The following USH2A variants were observed in gnomAD, a reference collection of about 807,000 sequenced individuals.
USH2A encodes the protein usherin.
A neutral mutation model predicts 538.9 loss-of-function variants in USH2A; 443 were observed. The ratio of observed to expected loss-of-function variants is 0.82; its 90% confidence interval spans 0.76 to 0.89. USH2A has a LOEUF of 0.89. Among genes scored for constraint, USH2A ranks in the 40% least tolerant of loss-of-function variants. The probability of loss-of-function intolerance (pLI) is 0.00; values close to 1 mark genes in which losing one functional copy is unlikely to be tolerated. For missense variants in USH2A, 6,633 were observed against 6,324.8 expected (o/e 1.05, Z -1.65); for synonymous variants, 2,413 against 2,273.5 (o/e 1.06, Z -1.75).
In USH2A at chr1:216,330,843, T is replaced by C. The variant is rs148339946; in HGVS notation, c.785-3189A>G. Among the ~76,000 whole-genome samples, 611 of 151,936 alleles carry C rather than the reference T, an allele frequency of 4.0e-3. 4 individuals are homozygous for C. Among genetic ancestry groups the C allele is most frequent in the African/African-American group, 0.014 (577 of 41,450 alleles). ...ATATTACAGTCATATGTGTGAAAAATGTTGGCAGTCAGACCAGGGTATTAG... is the reference window on the plus strand; with the variant it reads ...ATATTACAGTCATATGTGTGAAAAACGTTGGCAGTCAGACCAGGGTATTAG... On this transcript the variant is annotated intron_variant, in intron 4 of 71. Transcript: ENST00000307340.
At chr1:215,885,203 G>A (rs1045600040) in intron 41 of USH2A, among the ~76,000 whole-genome samples, 15 of 151,068 alleles carry the variant, frequency 9.9e-5, no homozygotes, top group Non-Finnish European at 2.9e-5. Flanking sequence ...TTAATTGTAT[G>A]CCTTTTTTTC....
At chr1:215,762,803 T>C (rs1661018224) in intron 56 of USH2A, among the ~76,000 whole-genome samples, 2 of 152,074 alleles carry the variant, frequency 1.3e-5, no homozygotes, top group South Asian at 4.2e-4. Context: ...AAATGAATAG[T>C]AGGGAGGGAA....
At chr1:216,104,851 C>T (rs2032691373) in intron 21 of USH2A, among the ~76,000 whole-genome samples, 1 of 152,104 alleles carries the variant, frequency 6.6e-6, no homozygotes, top group Admixed American at 6.5e-5. Flanking sequence ...AGCTTCTGCA[C>T]AGCAAAAGAA....
At chr1:215,820,126 T>C (rs1662971258) in intron 47 of USH2A, among the ~76,000 whole-genome samples, 1 of 151,728 alleles carries the variant, frequency 6.6e-6, no homozygotes, top group Admixed American at 6.6e-5. Flanking sequence ...AATGAATTTT[T>C]TTTGGTAGAT....
rs558416680 is a variant in USH2A, at chr1:215,781,353, TTC to T, written c.10740+687_10740+688del. 4.1e-4 allele frequency among the ~76,000 whole-genome samples: 63 copies of T among 152,356 alleles called. No homozygotes were observed. In the South Asian group the frequency reaches 0.012, roughly 30 times the overall value. On this transcript the variant is annotated intron_variant, in intron 54 of 71. Coordinates refer to ENST00000307340, the MANE Select transcript of USH2A (RefSeq NM_206933.4). ...CAAAACTTAACAAAACAGAATCCTA[TTC>T]TTTTACCTTCAACATTTTTCTCTTT...
intron 32 of USH2A, among the ~76,000 whole-genome samples, chr1:216,039,270 T>C (rs904798839): frequency 4.6e-5 from 7 of 152,022 alleles, no homozygotes; most frequent in African/African-American, 1.7e-4. Flanking sequence ...GTCACAGAGT[T>C]AGTAGCTTAG....
intron 55 of USH2A, 59 bp downstream of exon 55, chr1:215,779,784 C>A: frequency 6.3e-7 from 1 of 1,596,454 alleles, no homozygotes; most frequent in Non-Finnish European, 8.5e-7. Context: ...GATGCTTTGC[C>A]CCCCTAACCA....
intron 12 of USH2A, among the ~76,000 whole-genome samples, chr1:216,247,938 T>C (rs2036085210): frequency 6.6e-6 from 1 of 151,998 alleles, no homozygotes; most frequent in Admixed American, 6.6e-5. Context: ...AAGAAAAAAA[T>C]GTCAGCTGAT....
At chr1:215,920,765 G>C (rs971752364) in intron 38 of USH2A, among the ~76,000 whole-genome samples, 1 of 152,028 alleles carries the variant, frequency 6.6e-6, no homozygotes, top group African/African-American at 2.4e-5. Flanking sequence ...ACGCTTACTT[G>C]ATTTATAGCA....
intron 35 of USH2A, among the ~76,000 whole-genome samples, chr1:215,988,106 C>G (rs1030143075): frequency 2.0e-5 from 3 of 151,976 alleles, no homozygotes; most frequent in African/African-American, 7.2e-5. Flanking sequence ...TCTACATACA[C>G]GTGGTTGTGC....
At position 215,649,674 on chromosome 1, in the gene USH2A, T is replaced by C. The variant is rs150836470; in HGVS notation, c.14344-908A>G. On this transcript the variant is annotated intron_variant, in intron 65 of 71. Transcript: ENST00000307340. ...GTAAGTTATCTGTTGAAATTGTGTT[T>C]CAATACCTGACACTCTGGTCTCAGA... 3.0e-3 allele frequency among the ~76,000 whole-genome samples: 456 copies of C among 152,342 alleles called. 2 individuals carry two copies. Among genetic ancestry groups the C allele is most frequent in the African/African-American group, 0.011 (438 of 41,580 alleles).
chr1:215,647,258 C>T (rs954120265), intron 67 of USH2A, among the ~76,000 whole-genome samples: 16 of 152,112 alleles, frequency 1.1e-4, no homozygotes, highest in African/African-American at 3.6e-4. Context: ...TTCTTTCTTC[C>T]CATTGATCGT....
chr1:215,938,134 T>G (rs145791950), intron 37 of USH2A, among the ~76,000 whole-genome samples: 7 of 152,230 alleles, frequency 4.6e-5, no homozygotes, highest in Middle Eastern at 3.4e-3. Flanking sequence ...ATGAGAAGTA[T>G]GCAATTACAT....
At position 215,971,241 on chromosome 1, in the gene USH2A, T is replaced by G. The variant is rs538522809; in HGVS notation, c.6806-465A>C. 2.7e-4 allele frequency among the ~76,000 whole-genome samples: 41 copies of G among 152,258 alleles called. 2 individuals are homozygous for G. In the South Asian group the frequency reaches 6.4e-3, roughly 24 times the overall value. On this transcript the variant is annotated intron_variant, in intron 35 of 71. Coordinates refer to ENST00000307340, the MANE Select transcript of USH2A (RefSeq NM_206933.4). ...GTACACATTGGCTTCTTTTTAACCC[T>G]CTCTTCATAGCATTCCTATAACAGG... is the stretch of plus-strand genomic sequence containing the variant.
At chr1:215,715,798 C>T (rs79728292) in intron 61 of USH2A, among the ~76,000 whole-genome samples, 33 of 152,168 alleles carry the variant, frequency 2.2e-4, no homozygotes, top group East Asian at 1.2e-3. Flanking sequence ...AGTAGTTAAG[C>T]GCGGCAGAAG....
In USH2A at chr1:216,180,503, A is replaced by C. The variant is rs140166304; in HGVS notation, c.4397-5021T>G. Among the ~76,000 whole-genome samples, 337 of 152,264 alleles carry C rather than the reference A, an allele frequency of 2.2e-3. 2 individuals carry two copies. Among genetic ancestry groups the C allele is most frequent in the Non-Finnish European group, 3.5e-3 (241 of 67,992 alleles). On this transcript the variant is annotated intron_variant, in intron 20 of 71. Coordinates refer to ENST00000307340, the MANE Select transcript of USH2A (RefSeq NM_206933.4). ...GTAGTATATCCAAATGAATACATTT[A>C]GACTTGCAAAATTTATGTAGTGTAG... is the stretch of plus-strand genomic sequence containing the variant.
chr1:216,360,149 A>T (rs1397606151), intron 4 of USH2A, among the ~76,000 whole-genome samples: 1 of 152,148 alleles, frequency 6.6e-6, no homozygotes, highest in Non-Finnish European at 1.5e-5. Context: ...CAAAACTTGG[A>T]AGCAACCAAG....
chr1:216,421,928 A>G lies in USH2A; in HGVS notation c.409T>C (p.Ser137Pro). 3 of 1,613,982 alleles carry G rather than the reference A, an allele frequency of 1.9e-6. No homozygotes were observed. Among genetic ancestry groups the G allele is most frequent in the Non-Finnish European group, 2.5e-6 (3 of 1,179,912 alleles). The change falls in exon 2 of 72, where the codon TCT becomes CCT. Residue 137 changes from serine (S) to proline (P), a missense_variant. Transcript: ENST00000307340. The stretch of plus-strand genomic sequence containing the variant: ...ATCAGCTTTGGAGAAGGAGGAGAAG[A>G]AAAGCAGCTCTTGTGATTTCCAAAA... ...FIFGNHKSCF[S>P]SPPSPKLMAS...
intron 61 of USH2A, among the ~76,000 whole-genome samples, chr1:215,721,380 T>C (rs1659656480): frequency 6.6e-6 from 1 of 152,152 alleles, no homozygotes; most frequent in African/African-American, 2.4e-5. Context: ...CAGTCTAGAC[T>C]GAAGTTTTTA....
Sources: gnomAD v4.1 joint callset for allele counts (sites outside exome capture counted in the v4.1 genomes callset) on GRCh38, gnomAD v4.1.1 for gene constraint, MANE v1.5 for transcripts, NCBI Gene and HGNC (gene_info 2026-07-23, HGNC 2026-07-21) for gene names.